Variants in SENP1 observed in about 807,000 individuals in gnomAD.
SENP1 encodes sentrin-specific protease 1.
A neutral mutation model predicts 93.0 loss-of-function variants in SENP1; 21 were observed. The observed-to-expected ratio is 0.23, with a 90% CI of 0.16 to 0.33. SENP1 has a LOEUF of 0.33. Among genes scored for constraint, SENP1 ranks in the 10% least tolerant of loss-of-function variants. The pLI, the probability that SENP1 is intolerant of heterozygous loss-of-function variation, is 1.00. For missense variants in SENP1, 591 were observed against 758.7 expected, an observed-to-expected ratio of 0.78 and a Z score of 2.60; for synonymous variants, 256 against 259.6, an observed-to-expected ratio of 0.99 and a Z score of 0.13.
intron 9 of SENP1, among the ~76,000 whole-genome samples, chr12:48,070,685 G>A (rs1943627179): frequency 6.6e-6 from 1 of 152,182 alleles, no homozygotes; most frequent in Non-Finnish European, 1.5e-5. Flanking sequence ...TTAATTCAAT[G>A]TCTGATAAAC....
At chr12:48,101,431 A>G (rs369954415) in intron 2 of SENP1, 38 bp downstream of exon 2, 4 of 1,551,608 alleles carry the variant, frequency 2.6e-6, no homozygotes, top group South Asian at 2.4e-5. Flanking sequence ...TTAACCAATG[A>G]AAGTAGCTAA....
At chr12:48,103,142 TAAG>T (rs1379028907) in intron 1 of SENP1, among the ~76,000 whole-genome samples, 2 of 152,204 alleles carry the variant, frequency 1.3e-5, no homozygotes, top group African/African-American at 4.8e-5. Flanking sequence ...AAATTATTAT[TAAG>T]AAGAATGCCA....
intron 13 of SENP1, among the ~76,000 whole-genome samples, chr12:48,054,448 A>G (rs1294240314): frequency 1.3e-5 from 2 of 152,148 alleles, no homozygotes; most frequent in African/African-American, 4.8e-5. Context: ...TTTGCAGGGT[A>G]TATTTTTTCT....
At position 48,083,677 on chromosome 12, in the gene SENP1, G is replaced by C; in HGVS notation, c.466C>G (p.Pro156Ala). ...YEKSFPIKPV[P>A]SPSWSGSCRR... The stretch of plus-strand genomic sequence containing the variant: ...CATGAACCACTCCAAGATGGACTTG[G>C]AACAGGTTTAATAGGAAAAGATTTT... Residue 156 changes from proline (P) to alanine (A), a missense_variant, in exon 6 of 18, where the codon CCA (proline) becomes GCA (alanine). Physicochemically the swap from Pro to Ala is conservative, Grantham distance 27. Transcript: ENST00000549518. 1 of 1,613,564 alleles carries C rather than the reference G, an allele frequency of 6.2e-7. No individual in the cohort carries two copies. The highest frequency in any genetic ancestry group is 8.5e-7 in the Non-Finnish European group (1 of 1,179,606).
chr12:48,104,601 G>A (rs1265418397), intron 1 of SENP1, among the ~76,000 whole-genome samples: 1 of 152,164 alleles, frequency 6.6e-6, no homozygotes, highest in Non-Finnish European at 1.5e-5. Flanking sequence ...CATTAAGAAA[G>A]GGTCCCTGCC....
At chr12:48,057,019 T>C (rs1215827068) in intron 13 of SENP1, among the ~76,000 whole-genome samples, 3 of 46,502 alleles carry the variant, frequency 6.5e-5, no homozygotes, top group African/African-American at 1.8e-4. Context: ...ACATATTACA[T>C]ATATAAATAT....
At chr12:48,103,750 G>C (rs1410096256) in intron 1 of SENP1, among the ~76,000 whole-genome samples, 1 of 152,170 alleles carries the variant, frequency 6.6e-6, no homozygotes, top group Non-Finnish European at 1.5e-5. Context: ...AGCTGTTACA[G>C]ACATTCAGAT....
At chr12:48,069,152 C>CAAAAAAAAAAAAAAAAAAAAAAAAA (rs10564674) in intron 9 of SENP1, among the ~76,000 whole-genome samples, 1 of 76,336 alleles carries the variant, frequency 1.3e-5, no homozygotes, top group African/African-American at 5.6e-5. Context: ...GACTCTGTCA[C>CAAAAAAAAAAAAAAAAAAAAAAAAA]AAAAAAAAAA....
rs528054634 is a variant in SENP1 at position 48,082,737 on chromosome 12, A to G, written c.552+854T>C. Among the ~76,000 whole-genome samples the G allele has an allele frequency of 2.8e-4, 43 of 152,344 alleles. 1 individual carries two copies. Among genetic ancestry groups the G allele is most frequent in the Admixed American group, 2.4e-3 (37 of 15,302 alleles). ...TTTCTTTTAGGTTTACTGAATTAAT[A>G]TAACAACCCAAGTGTCAACAGAACA... is the stretch of plus-strand genomic sequence containing the variant. On this transcript the variant is annotated intron_variant, in intron 6 of 17. Coordinates refer to ENST00000549518, the MANE Select transcript of SENP1 (RefSeq NM_001267594.2).
rs144316159 is a variant in SENP1, at chr12:48,077,707, T to C, written c.553-2914A>G. On this transcript the variant is annotated intron_variant, in intron 6 of 17. Transcript: ENST00000549518. ...ATTAACTCATCATTTACATTAGGTA[T>C]ATCTCCTAATGCTATTCCTCCCCAC... Among the ~76,000 whole-genome samples, 347 of 152,246 alleles carry C rather than the reference T, an allele frequency of 2.3e-3. 4 individuals carry two copies. Among genetic ancestry groups the C allele is most frequent in the African/African-American group, 8.2e-3 (342 of 41,530 alleles).
Position 48,065,106 on chromosome 12 carries a change from T to C in SENP1, c.1234A>G (p.Lys412Glu). 1.2e-6 allele frequency: 2 copies of C among 1,608,256 alleles called. No homozygotes were observed. The highest frequency in any genetic ancestry group is 1.7e-6 in the Non-Finnish European group (2 of 1,174,708). Reference sequence around the variant, plus strand: ...AATTCATCTTCACTATCAGTTAATTTATGACCTTTTTTTTGTGTTTCTTGG... The same window carrying C: ...AATTCATCTTCACTATCAGTTAATTCATGACCTTTTTTTTGTGTTTCTTGG... ...VVQETQKKGH[K>E]LTDSEDEFPE... Residue 412 changes from lysine (K) to glutamate (E), a missense_variant, in exon 12 of 18, where the codon AAA becomes GAA. Transcript: ENST00000549518.
Position 48,074,365 on chromosome 12 carries a change from T to A in SENP1, c.899A>T (p.His300Leu), listed in dbSNP as rs774398360. The change falls in exon 8 of 18, where the codon CAT becomes CTT. Residue 300 changes from histidine (H) to leucine (L), a missense_variant. Around this residue, in one of 4 missense-constraint regions of SENP1, gnomAD observed 238 missense variants for 259.1 expected, o/e 0.92. Coordinates refer to ENST00000549518, the MANE Select transcript of SENP1 (RefSeq NM_001267594.2). ...HHPHHHHSVP[H>L]QPDNLAASNT... ...TGAAGCTGCTAAGTTATCTGGCTGA[T>A]GTGGAACAGAGTGGTGATGATGGGG... is the stretch of plus-strand genomic sequence containing the variant. 13 of 1,613,772 alleles carry A rather than the reference T, an allele frequency of 8.1e-6. No homozygotes were observed. Among genetic ancestry groups the A allele is most frequent in the Non-Finnish European group, 1.0e-5 (12 of 1,179,824 alleles).
intron 9 of SENP1, among the ~76,000 whole-genome samples, chr12:48,068,118 T>G (rs1943425079): frequency 6.6e-6 from 1 of 152,068 alleles, no homozygotes. Flanking sequence ...CGGTGATCCA[T>G]CCACCTTGGC....
intron 13 of SENP1, among the ~76,000 whole-genome samples, chr12:48,051,709 A>G (rs1245530990): frequency 6.6e-6 from 1 of 152,240 alleles, no homozygotes; most frequent in East Asian, 1.9e-4. Flanking sequence ...GTTCAAGATG[A>G]AAGAGGAGCA....
chr12:48,097,634 T>C (rs186388932), intron 3 of SENP1: 5 of 161,282 alleles, frequency 3.1e-5, no homozygotes, highest in Admixed American at 1.9e-4. Context: ...TCAGGCATTA[T>C]AGCACAGACA....
At chr12:48,093,286 T>TG (rs1186749421) in intron 4 of SENP1, among the ~76,000 whole-genome samples, 2 of 104,920 alleles carry the variant, frequency 1.9e-5, no homozygotes, top group East Asian at 3.7e-4. Context: ...TGAGGTTTTT[T>TG]TTTTTTTTTT....
chr12:48,061,942 G>A (rs939321972), intron 13 of SENP1, among the ~76,000 whole-genome samples: 2 of 152,134 alleles, frequency 1.3e-5, no homozygotes, highest in African/African-American at 4.8e-5. Flanking sequence ...AAAAGTTATG[G>A]CTAGGGGTGG....
In SENP1 at chr12:48,045,398, G is replaced by A; in HGVS notation, c.1873-14C>T. 1 of 1,611,606 alleles carries A rather than the reference G, an allele frequency of 6.2e-7. No individual in the cohort carries two copies. ...TGGCATGTGTTGCTGTAGGGACACA[G>A]AGACACCCTTAATTTTCAATGCTTT... On this transcript the variant is annotated splice_polypyrimidine_tract_variant and intron_variant, in intron 17 of 17. Transcript: ENST00000549518.
chr12:48,057,725 C>T (rs1354406902), intron 13 of SENP1, among the ~76,000 whole-genome samples: 1 of 150,314 alleles, frequency 6.7e-6, no homozygotes, highest in African/African-American at 2.4e-5. Context: ...AATCTCCTGC[C>T]TCAGCCTCCC....
Sources: gnomAD v4.1 joint callset for allele counts (sites outside exome capture counted in the v4.1 genomes callset) on GRCh38, gnomAD v4.1.1 for gene constraint, gnomAD v4.1.1 regional missense constraint, MANE v1.5 for transcripts, NCBI Gene and HGNC (gene_info 2026-07-23, HGNC 2026-07-21) for gene names.